TMEM132B: variants seen among roughly 807,000 people sequenced by gnomAD.
TMEM132B encodes the protein transmembrane protein 132B.
A neutral mutation model predicts 90.8 loss-of-function variants in TMEM132B; 18 were observed. The observed-to-expected ratio is 0.20, with a 90% CI of 0.14 to 0.29. The LOEUF is 0.29. Among genes scored for constraint, TMEM132B ranks in the 10% least tolerant of loss-of-function variants. The pLI, the probability that TMEM132B is intolerant of heterozygous loss-of-function variation, is 1.00. For synonymous variants in TMEM132B, 504 were observed against 523.3 expected (o/e 0.96, Z 0.50); for missense variants, 1,096 against 1,326.8 (o/e 0.83, Z 2.70).
intron 3 of TMEM132B, among the ~76,000 whole-genome samples, chr12:125,433,740 A>C (rs1880613854): frequency 6.9e-6 from 1 of 144,478 alleles, no homozygotes; most frequent in Non-Finnish European, 1.5e-5. Context: ...GATAGACTGG[A>C]TTAAGAAAAT....
At chr12:125,295,663 C>A (rs73422840) in intron 1 of TMEM132B, among the ~76,000 whole-genome samples, 20,742 of 151,980 alleles carry the variant, frequency 0.14, 1,583 homozygotes, top group African/African-American at 0.2. Context: ...AATAGTGTGC[C>A]AAAATCACAG....
intron 1 of TMEM132B, among the ~76,000 whole-genome samples, chr12:125,222,156 T>C (rs4765027): frequency 0.3 from 46,314 of 151,952 alleles, 7,639 homozygotes; most frequent in East Asian, 0.46. Context: ...ATTAGAAAGG[T>C]GGGAAAGGGA....
intron 1 of TMEM132B, among the ~76,000 whole-genome samples, chr12:125,214,613 G>GCA (rs1421180641): frequency 6.6e-6 from 1 of 152,206 alleles, no homozygotes; most frequent in East Asian, 1.9e-4. Context: ...GAAAGGCAGG[G>GCA]CATGGTTTCC....
chr12:125,604,622 TA>T (rs1410143401), intron 5 of TMEM132B, among the ~76,000 whole-genome samples: 1 of 152,136 alleles, frequency 6.6e-6, no homozygotes, highest in Non-Finnish European at 1.5e-5. Flanking sequence ...ATAAAAAAAA[TA>T]AATAAATTGA....
At chr12:125,596,876 G>A (rs1885452034) in intron 5 of TMEM132B, among the ~76,000 whole-genome samples, 2 of 152,222 alleles carry the variant, frequency 1.3e-5, no homozygotes, top group South Asian at 4.1e-4. Context: ...AAGCACAGTT[G>A]TAGGCAGAGC....
intron 2 of TMEM132B, among the ~76,000 whole-genome samples, chr12:125,378,207 G>T (rs997614567): frequency 2.6e-5 from 4 of 152,066 alleles, no homozygotes; most frequent in Non-Finnish European, 4.4e-5. Flanking sequence ...GATATAGGGT[G>T]GATCTCTTCC....
intron 1 of TMEM132B, among the ~76,000 whole-genome samples, chr12:125,263,644 T>TA (rs1302474224): frequency 6.6e-6 from 1 of 152,240 alleles, no homozygotes; most frequent in Non-Finnish European, 1.5e-5. Context: ...AATGAAGTGT[T>TA]TCAAAAATTT....
At chr12:125,559,600 A>T (rs1246869355) in intron 4 of TMEM132B, among the ~76,000 whole-genome samples, 1 of 151,818 alleles carries the variant, frequency 6.6e-6, no homozygotes, top group Non-Finnish European at 1.5e-5. Context: ...GGATGGTGGG[A>T]CCTTTCCTGC....
chr12:125,392,317 A>G (rs1235450694), intron 2 of TMEM132B, among the ~76,000 whole-genome samples: 6 of 152,150 alleles, frequency 3.9e-5, no homozygotes, highest in African/African-American at 1.2e-4. Flanking sequence ...ATGGGTTGGA[A>G]TAGGAGATAT....
intron 3 of TMEM132B, among the ~76,000 whole-genome samples, chr12:125,453,787 A>G (rs1159533889): frequency 6.6e-6 from 1 of 151,970 alleles, no homozygotes; most frequent in Non-Finnish European, 1.5e-5. Context: ...AGCTTATTAA[A>G]CCCTGCCATT....
intron 1 of TMEM132B, among the ~76,000 whole-genome samples, chr12:125,237,924 C>T (rs1388484279): frequency 6.6e-6 from 1 of 152,180 alleles, no homozygotes; most frequent in East Asian, 1.9e-4. Context: ...ATGGCCTCCT[C>T]CGCTGGTTCC....
intron 4 of TMEM132B, among the ~76,000 whole-genome samples, chr12:125,549,323 C>A (rs1274840646): frequency 6.6e-6 from 1 of 152,206 alleles, no homozygotes; most frequent in Non-Finnish European, 1.5e-5. Context: ...CCCACCCACG[C>A]TCTGAGGTCT....
chr12:125,584,326 C>T (rs1885127756), intron 5 of TMEM132B: 1 of 266,774 alleles, frequency 3.7e-6, no homozygotes, highest in African/African-American at 2.2e-5. Context: ...TTTAGCAATC[C>T]AAATAAGACC....
chr12:125,574,375 A>G (rs1163669843), intron 4 of TMEM132B, among the ~76,000 whole-genome samples: 1 of 151,908 alleles, frequency 6.6e-6, no homozygotes, highest in Non-Finnish European at 1.5e-5. Context: ...TTGCCTTTGT[A>G]TTTTCTGTGG....
rs1877505190 is a variant in TMEM132B, at chr12:125,350,006, G to C, written c.622G>C (p.Glu208Gln). Residue 208 changes from glutamate to glutamine, a missense_variant, in exon 2 of 9, where the codon GAG becomes CAG. Physicochemically the swap from Glu to Gln is conservative, Grantham distance 29. Transcript: ENST00000682704. Reference sequence around the variant, plus strand: ...CAGCTCAGGCCTGGACCTGGAACCAGAGGAGGAGATCCCAGCCCTGCTCGG... The same window carrying C: ...CAGCTCAGGCCTGGACCTGGAACCACAGGAGGAGATCCCAGCCCTGCTCGG... ...WFSSGLDLEP[E>Q]EEIPALLGGT... 1 of 1,614,202 alleles carries C rather than the reference G, an allele frequency of 6.2e-7. No individual in the cohort carries two copies. The highest frequency in any genetic ancestry group is 8.5e-7 in the Non-Finnish European group (1 of 1,180,030).
At chr12:125,299,116 G>A (rs1875747108) in intron 1 of TMEM132B, among the ~76,000 whole-genome samples, 1 of 152,160 alleles carries the variant, frequency 6.6e-6, no homozygotes, top group Admixed American at 6.5e-5. Context: ...CTCCTGCATA[G>A]CTGGGACTAT....
At chr12:125,413,656 G>T (rs141813547) in intron 2 of TMEM132B, among the ~76,000 whole-genome samples, 1 of 152,188 alleles carries the variant, frequency 6.6e-6, no homozygotes, top group African/African-American at 2.4e-5. Context: ...GGTTCATCAC[G>T]TAGCATGTGT....
At chr12:125,223,258 A>T (rs941249615) in intron 1 of TMEM132B, among the ~76,000 whole-genome samples, 2 of 152,246 alleles carry the variant, frequency 1.3e-5, no homozygotes, top group African/African-American at 4.8e-5. Context: ...GCAAAAATGC[A>T]CTTTTTATGA....
chr12:125,335,270 A>G (rs966314242), intron 1 of TMEM132B, among the ~76,000 whole-genome samples: 7 of 152,172 alleles, frequency 4.6e-5, no homozygotes, highest in Non-Finnish European at 1.0e-4. Context: ...AAATTGTTTT[A>G]TTTGAAAAAT....
Sources: allele counts gnomAD v4.1 joint callset (sites outside exome capture counted in the v4.1 genomes callset), GRCh38; gene constraint gnomAD v4.1.1; transcripts MANE v1.5; gene names NCBI Gene and HGNC (gene_info 2026-07-23, HGNC 2026-07-21).